Variants in SLC22A23 observed in about 807,000 individuals in gnomAD.
SLC22A23 encodes ion transporter protein.
SLC22A23 carries 26 observed loss-of-function variants against 61.0 expected under a neutral mutation model. That is an observed-to-expected ratio of 0.43 (90% CI 0.31 to 0.59). The LOEUF is 0.59. Among genes scored for constraint, SLC22A23 ranks in the 20% least tolerant of loss-of-function variants. The pLI is 0.11. For missense variants in SLC22A23, 796 were observed against 934.7 expected (o/e 0.85, Z 1.94); for synonymous variants, 430 against 413.9 (o/e 1.04, Z -0.47).
intron 4 of SLC22A23, among the ~76,000 whole-genome samples, chr6:3,320,351 T>C (rs760551654): frequency 6.6e-6 from 1 of 152,192 alleles, no homozygotes; most frequent in Non-Finnish European, 1.5e-5. Flanking sequence ...CTCACACGTT[T>C]GTCTTTACTG....
Position 3,456,419 on chromosome 6 carries a change from G to A in SLC22A23, c.141C>T (p.Gly47=), listed in dbSNP as rs1307758141. The A allele has an allele frequency of 2.2e-6, 3 of 1,372,012 alleles. No homozygotes were observed. In the Admixed American group the frequency reaches 8.7e-5, roughly 40 times the overall value. 85.0% of individuals were successfully genotyped at this position (1,372,012 alleles called of 1,614,324 possible). The change falls in exon 1 of 10, where the codon GGC becomes GGT. Residue 47 remains glycine, a synonymous_variant. Transcript: ENST00000406686. The surrounding 1 kb of genome is among the most constrained non-coding windows in gnomAD (Gnocchi z 7.1). ...PLGGRAGPGG[G]AEIQPLPPLH... The stretch of plus-strand genomic sequence containing the variant: ...GTGGGGGCAGCGGCTGGATCTCCGC[G>A]CCGCCGCCGGGGCCCGCGCGTCCCC...
chr6:3,411,352 G>A (rs1769229795), intron 2 of SLC22A23, among the ~76,000 whole-genome samples: 1 of 152,198 alleles, frequency 6.6e-6, no homozygotes, highest in African/African-American at 2.4e-5. Context: ...ACCACAAAGG[G>A]TAGCTGAGGG....
In SLC22A23 at chr6:3,456,418, C is replaced by T; in HGVS notation, c.142G>A (p.Ala48Thr). Residue 48 changes from alanine to threonine, a missense_variant, in exon 1 of 10, where the codon GCG (alanine) becomes ACG (threonine). Coordinates refer to ENST00000406686, the MANE Select transcript of SLC22A23 (RefSeq NM_015482.2). This position sits in a 1 kb window ranked among gnomAD's most constrained non-coding sequence, Gnocchi z 7.1. ...LGGRAGPGGG[A>T]EIQPLPPLHP... is the part of the protein sequence containing the mutation. ...AGTGGGGGCAGCGGCTGGATCTCCG[C>T]GCCGCCGCCGGGGCCCGCGCGTCCC... 7.3e-7 allele frequency: 1 copy of T among 1,373,310 alleles called. No individual in the cohort carries two copies. The highest frequency in any genetic ancestry group is 9.4e-7 in the Non-Finnish European group (1 of 1,062,148). The allele number at this position is 1,373,310 out of a possible 1,614,324, so 85.1% of individuals were successfully genotyped here.
At position 3,287,726 on chromosome 6, in the gene SLC22A23, C is replaced by T. The variant is rs563755877; in HGVS notation, c.1314-635G>A. Among the ~76,000 whole-genome samples, 8 of 151,922 alleles carry T rather than the reference C, an allele frequency of 5.3e-5. No homozygotes were observed. The East Asian group carries it at 1.6e-3, about 29-fold the overall frequency. Reference sequence around the variant, plus strand: ...TTGAGTAGAGCCGTGTTCTGCTACCCAAGCTGGAGTGCAGTGGCAAGATCT... The same window carrying T: ...TTGAGTAGAGCCGTGTTCTGCTACCTAAGCTGGAGTGCAGTGGCAAGATCT... On this transcript the variant is annotated intron_variant, in intron 6 of 9. Transcript: ENST00000406686.
intron 1 of SLC22A23, among the ~76,000 whole-genome samples, chr6:3,423,860 G>A (rs576743365): frequency 3.9e-5 from 6 of 152,216 alleles, no homozygotes; most frequent in Admixed American, 3.3e-4. Context: ...TTCCGGAAGA[G>A]AGCCAGTGGT....
At position 3,283,847 on chromosome 6, in the gene SLC22A23, C is replaced by T. The variant is rs765613445; in HGVS notation, c.1703+5G>A. ...GCGTCCCCTGGGGTGTCTCCCATGA[C>T]GCACCTTATCACCGTCGGGGTGATC... On this transcript the variant is annotated splice_donor_5th_base_variant and intron_variant, in intron 9 of 9. Transcript: ENST00000406686. The T allele has an allele frequency of 9.3e-6, 15 of 1,613,440 alleles. No individual in the cohort carries two copies. Among genetic ancestry groups the T allele is most frequent in the East Asian group, 2.2e-5 (1 of 44,876 alleles).
At chr6:3,303,834 C>T (rs967121820) in intron 4 of SLC22A23, among the ~76,000 whole-genome samples, 5 of 152,132 alleles carry the variant, frequency 3.3e-5, no homozygotes, top group South Asian at 2.1e-4. Context: ...TTTCAAATAT[C>T]GAATGTTCCC....
Position 3,269,321 on chromosome 6 carries a change from G to C in SLC22A23, c.*3734C>G, listed in dbSNP as rs559906310. ...CCACCTCGGGGCGAGTGAAGACACA[G>C]CTTACAGAGGCGTTCAAAGTAGTGA... On this transcript the variant is annotated 3_prime_UTR_variant, in exon 10 of 10. Transcript: ENST00000406686. 8.5e-5 allele frequency: 13 copies of C among 152,450 alleles called. No homozygotes were observed. The highest frequency in any genetic ancestry group is 2.9e-4 in the African/African-American group (12 of 41,554). The allele number at this position is 152,450 out of a possible 1,614,324, so 9.4% of individuals were successfully genotyped here. A position where few individuals can be genotyped will look rare whatever the true frequency, so the allele number is the denominator to read the frequency against.
At position 3,360,924 on chromosome 6, in the gene SLC22A23, G is replaced by A. The variant is rs928972361; in HGVS notation, c.914-36922C>T. Among the ~76,000 whole-genome samples, 1 of 152,376 alleles carries A rather than the reference G, an allele frequency of 6.6e-6. No homozygotes were observed. ...TGCAGCAGGAACAGAAGGTCAGAGC[G>A]TGGTACTGGGGTGACGAGAGGCGCT... is the stretch of plus-strand genomic sequence containing the variant. On this transcript the variant is annotated intron_variant, in intron 3 of 9. Transcript: ENST00000406686. This position sits in a 1 kb window ranked among gnomAD's most constrained non-coding sequence, Gnocchi z 4.6.
At chr6:3,289,679 G>T in intron 6 of SLC22A23, 85 bp downstream of exon 6, 1 of 1,086,852 alleles carries the variant, frequency 9.2e-7, no homozygotes, top group Non-Finnish European at 1.4e-6. Context: ...CAGCGGGGTG[G>T]GGAGCAGGGC....
At chr6:3,274,054 A>G (rs1420209717) in intron 9 of SLC22A23, among the ~76,000 whole-genome samples, 2 of 152,192 alleles carry the variant, frequency 1.3e-5, no homozygotes, top group East Asian at 3.8e-4. Context: ...GTGCACTGAC[A>G]GAGAGGAACT....
chr6:3,338,657 C>T (rs1479976650), intron 3 of SLC22A23, among the ~76,000 whole-genome samples: 1 of 152,208 alleles, frequency 6.6e-6, no homozygotes, highest in African/African-American at 2.4e-5. Flanking sequence ...AGGTTCTAAA[C>T]CTAAAAGGGT....
chr6:3,313,818 G>A (rs1168081425), intron 4 of SLC22A23, among the ~76,000 whole-genome samples: 1 of 152,050 alleles, frequency 6.6e-6, no homozygotes, highest in African/African-American at 2.4e-5. Flanking sequence ...GCTGGGATTC[G>A]AGACCAGCCT....
chr6:3,378,721 G>A (rs1352981382), intron 3 of SLC22A23, among the ~76,000 whole-genome samples: 1 of 139,936 alleles, frequency 7.1e-6, no homozygotes, highest in Non-Finnish European at 1.5e-5. Flanking sequence ...GCAATGGCGT[G>A]ATCTCGGCTC....
At chr6:3,282,616 C>T (rs1759573945) in intron 9 of SLC22A23, among the ~76,000 whole-genome samples, 2 of 152,238 alleles carry the variant, frequency 1.3e-5, no homozygotes, top group Admixed American at 6.5e-5. Context: ...TGTCATTATG[C>T]GGACACCTGG....
intron 1 of SLC22A23, chr6:3,438,569 G>T (rs551578590): frequency 4.4e-6 from 2 of 453,478 alleles, no homozygotes; most frequent in African/African-American, 4.0e-5. Flanking sequence ...TAAAACCACC[G>T]TAATAGGAAT....
At chr6:3,345,599 A>G (rs1343700907) in intron 3 of SLC22A23, among the ~76,000 whole-genome samples, 3 of 152,072 alleles carry the variant, frequency 2.0e-5, no homozygotes, top group African/African-American at 7.2e-5. Flanking sequence ...TCCTGACCTC[A>G]GGTGATCCTC....
At chr6:3,298,250 C>A (rs1561878688) in intron 4 of SLC22A23, 32 bp from the exon 5 acceptor site, 1 of 1,575,640 alleles carries the variant, frequency 6.3e-7, no homozygotes, top group South Asian at 1.2e-5. Flanking sequence ...CAGTGAATGT[C>A]TTCCGATTCT....
chr6:3,422,061 ACTGT>A (rs1268869053), intron 1 of SLC22A23, among the ~76,000 whole-genome samples: 2 of 152,190 alleles, frequency 1.3e-5, no homozygotes, highest in Admixed American at 6.5e-5. Flanking sequence ...CGCTGTGCAC[ACTGT>A]CTGTTTTAAA....
Sources: allele counts gnomAD v4.1 joint callset (sites outside exome capture counted in the v4.1 genomes callset), GRCh38; gene constraint gnomAD v4.1.1; non-coding constraint Gnocchi (gnomAD v3.1); transcripts MANE v1.5; gene names NCBI Gene and HGNC (gene_info 2026-07-23, HGNC 2026-07-21).